LPCAT1: variants seen among roughly 807,000 people sequenced by gnomAD.
LPCAT1 encodes 1-acylglycerol-3-phosphate O-acyltransferase.
LPCAT1 carries 23 observed loss-of-function variants against 60.9 expected under a neutral mutation model. That is an observed-to-expected ratio of 0.38 (90% confidence interval 0.27 to 0.53). The LOEUF (loss-of-function observed/expected upper bound fraction) is 0.53, where lower values mean the gene tolerates loss of function less well. LPCAT1 is among the 20% of genes least tolerant of loss of function. LPCAT1 has a pLI of 0.82. For synonymous variants in LPCAT1, 340 were observed against 301.1 expected (o/e 1.13, Z -1.34); for missense variants, 622 against 723.6 (o/e 0.86, Z 1.61).
At chr5:1,516,739 G>C (rs1010304159) in intron 1 of LPCAT1, among the ~76,000 whole-genome samples, 1 of 152,100 alleles carries the variant, frequency 6.6e-6, no homozygotes, top group African/African-American at 2.4e-5. Flanking sequence ...TCAAGGTTTG[G>C]AAAAGGCTGC....
chr5:1,469,284 G>A (rs1734572165), intron 12 of LPCAT1, among the ~76,000 whole-genome samples: 1 of 152,132 alleles, frequency 6.6e-6, no homozygotes, highest in Admixed American at 6.5e-5. Flanking sequence ...GCAGGGACCC[G>A]GTGCACACTG....
intron 12 of LPCAT1, chr5:1,467,261 C>G (rs973489109): frequency 9.0e-5 from 21 of 233,298 alleles, no homozygotes; most frequent in African/African-American, 4.0e-4. Flanking sequence ...CTGCAGAGTT[C>G]CCCCACGGCC....
rs758756618 is a variant in LPCAT1 at position 1,481,007 on chromosome 5, T to A, written c.727-31A>T. On this transcript the variant is annotated intron_variant, in intron 6 of 13. Coordinates refer to ENST00000283415, the MANE Select transcript of LPCAT1 (RefSeq NM_024830.5). The surrounding 1 kb of genome is among the most constrained non-coding windows in gnomAD (Gnocchi z 7.8). ...GAGGAAGAGGCAGGGTCAGTCAGCA[T>A]GGGGCCTGCACCCAGGGCCTGCACC... is the stretch of plus-strand genomic sequence containing the variant. The A allele has an allele frequency of 3.1e-6, 5 of 1,612,932 alleles. No individual in the cohort carries two copies. The highest frequency in any genetic ancestry group is 4.2e-6 in the Non-Finnish European group (5 of 1,179,846).
rs1217040611 is a variant in LPCAT1 at position 1,463,700 on chromosome 5, G to A, written c.1556C>T (p.Pro519Leu). ...CTTCCGCCCAGCGTCTGAGTTTTCCGGGCTGAAATCGGCACAGAAGCCGTT... is the reference window on the plus strand; with the variant it reads ...CTTCCGCCCAGCGTCTGAGTTTTCCAGGCTGAAATCGGCACAGAAGCCGTT... ...IPNGFCADFS[P>L]ENSDAGRKPV... The change falls in exon 14 of 14, where the codon CCG becomes CTG. Residue 519 changes from proline to leucine, a missense_variant. By Grantham distance (98) the Pro-to-Leu change is moderately conservative. Coordinates refer to ENST00000283415, the MANE Select transcript of LPCAT1 (RefSeq NM_024830.5). The A allele has an allele frequency of 1.9e-6, 3 of 1,614,244 alleles. No homozygotes were observed. Among genetic ancestry groups the A allele is most frequent in the Non-Finnish European group, 2.5e-6 (3 of 1,180,042 alleles).
intron 11 of LPCAT1, among the ~76,000 whole-genome samples, chr5:1,472,422 G>A (rs560917471): frequency 1.3e-5 from 2 of 151,740 alleles, no homozygotes; most frequent in Admixed American, 1.3e-4. Flanking sequence ...CAAGGCATGG[G>A]GTACTGGGAC....
chr5:1,510,243 G>A (rs1249126834), intron 1 of LPCAT1, among the ~76,000 whole-genome samples: 1 of 152,096 alleles, frequency 6.6e-6, no homozygotes, highest in Non-Finnish European at 1.5e-5. Flanking sequence ...CGTGCTTACT[G>A]CTATCTATAA....
At position 1,487,435 on chromosome 5, in the gene LPCAT1, C is replaced by T. The variant is rs1279334764; in HGVS notation, c.667+956G>A. On this transcript the variant is annotated intron_variant, in intron 5 of 13. Transcript: ENST00000283415. This position sits in a 1 kb window ranked among gnomAD's most constrained non-coding sequence, Gnocchi z 6.1. ...ACCTTGAAGCCTCTGGAAGCAAAAC[C>T]TGCCATCTGCCTGCTGCACCAAGGA... Among the ~76,000 whole-genome samples, 2 of 152,228 alleles carry T rather than the reference C, an allele frequency of 1.3e-5. No individual in the cohort carries two copies. The highest frequency in any genetic ancestry group is 1.3e-4 in the Admixed American group (2 of 15,292).
intron 11 of LPCAT1, among the ~76,000 whole-genome samples, chr5:1,471,217 C>T (rs1208030038): frequency 6.6e-6 from 1 of 152,196 alleles, no homozygotes; most frequent in Non-Finnish European, 1.5e-5. Flanking sequence ...CCTGCCAAGA[C>T]CTGCATTTGA....
At chr5:1,468,728 C>T (rs61324374) in intron 12 of LPCAT1, among the ~76,000 whole-genome samples, 9,343 of 152,284 alleles carry the variant, frequency 0.061, 961 homozygotes, top group African/African-American at 0.21. Flanking sequence ...GTATGAAGCA[C>T]ATCGGTGCGC....
Position 1,522,451 on chromosome 5 carries a change from G to C in LPCAT1, c.135+1259C>G, listed in dbSNP as rs928710626. On this transcript the variant is annotated intron_variant, in intron 1 of 13. Transcript: ENST00000283415. The surrounding 1 kb of genome is among the most constrained non-coding windows in gnomAD (Gnocchi z 6.8). ...CCAGAGTCCAGCTCCCGACACACAG[G>C]GAGACGGGGGCCAGGGCCTGGGAGC... Among the ~76,000 whole-genome samples the C allele has an allele frequency of 6.6e-6, 1 of 152,158 alleles. No homozygotes were observed.
rs556708050 is a variant in LPCAT1 at position 1,480,456 on chromosome 5, T to C, written c.761+486A>G. ...TGACCAGCCTGTGGCCCCGGGCTTCTCCTCTGGGGCTCGTTCCCGTTTCCG... is the reference window on the plus strand; with the variant it reads ...TGACCAGCCTGTGGCCCCGGGCTTCCCCTCTGGGGCTCGTTCCCGTTTCCG... On this transcript the variant is annotated intron_variant, in intron 7 of 13. Transcript: ENST00000283415. The surrounding 1 kb of genome is among the most constrained non-coding windows in gnomAD (Gnocchi z 6.4). 1.3e-5 allele frequency: 10 copies of C among 772,620 alleles called. No individual in the cohort carries two copies. The Admixed American group carries it at 5.6e-4, about 43-fold the overall frequency. The allele number at this position is 772,620 out of a possible 1,614,324, so 47.9% of individuals were successfully genotyped here.
intron 8 of LPCAT1, among the ~76,000 whole-genome samples, chr5:1,478,310 A>G (rs1042464499): frequency 1.3e-5 from 2 of 152,274 alleles, no homozygotes; most frequent in African/African-American, 4.8e-5. Context: ...GAACATCCTG[A>G]AACCCCAATT....
chr5:1,520,268 A>T (rs943320888), intron 1 of LPCAT1, among the ~76,000 whole-genome samples: 2 of 152,210 alleles, frequency 1.3e-5, no homozygotes, highest in African/African-American at 2.4e-5. Context: ...GAGTTTTTTT[A>T]AAAAATCACA....
At chr5:1,518,958 AG>A (rs1330492525) in intron 1 of LPCAT1, among the ~76,000 whole-genome samples, 5 of 152,268 alleles carry the variant, frequency 3.3e-5, no homozygotes, top group Non-Finnish European at 7.3e-5. Flanking sequence ...CCGTGCCTGC[AG>A]GAAGCGTGCA....
At chr5:1,468,538 C>G (rs1255287588) in intron 12 of LPCAT1, among the ~76,000 whole-genome samples, 2 of 152,170 alleles carry the variant, frequency 1.3e-5, no homozygotes, top group Non-Finnish European at 2.9e-5. Context: ...CTTTCATCCT[C>G]GGAGCCTCGT....
At chr5:1,484,854 T>C (rs1735310656) in intron 5 of LPCAT1, among the ~76,000 whole-genome samples, 1 of 152,234 alleles carries the variant, frequency 6.6e-6, no homozygotes, top group South Asian at 2.1e-4. Context: ...CTTCCTGCTG[T>C]GGGCTCAGCA....
At chr5:1,478,598 C>A (rs1367274459) in intron 8 of LPCAT1, among the ~76,000 whole-genome samples, 2 of 152,280 alleles carry the variant, frequency 1.3e-5, no homozygotes, top group African/African-American at 4.8e-5. Flanking sequence ...GGTGGGGGAA[C>A]TGCCGCCCTC....
At chr5:1,486,600 G>C (rs1247073714) in intron 5 of LPCAT1, among the ~76,000 whole-genome samples, 1 of 152,146 alleles carries the variant, frequency 6.6e-6, no homozygotes, top group Non-Finnish European at 1.5e-5. Flanking sequence ...GCAGGTTGTG[G>C]GTGCCTCTGT....
chr5:1,465,040 C>T (rs866836170), intron 13 of LPCAT1, among the ~76,000 whole-genome samples: 10 of 121,786 alleles, frequency 8.2e-5, no homozygotes, highest in Admixed American at 5.8e-4. Flanking sequence ...GCACACTAAA[C>T]ACACATGCGC....
Sources: gnomAD v4.1 joint callset for allele counts (sites outside exome capture counted in the v4.1 genomes callset) on GRCh38, gnomAD v4.1.1 for gene constraint, Gnocchi (gnomAD v3.1) non-coding constraint, MANE v1.5 for transcripts, NCBI Gene and HGNC (gene_info 2026-07-23, HGNC 2026-07-21) for gene names.